Variants in CDKN2B-AS1 observed in about 807,000 individuals in gnomAD.
The protein encoded by CDKN2B-AS1 is CDKN2B antisense RNA 1 (non-protein coding).
rs74400540 is a variant in CDKN2B-AS1 at position 22,048,343 on chromosome 9, G to A, written n.180-763G>A. ...GCTCATACCAAACAAAGCTCCTCAT[G>A]ATGCTGGCCTAACTCTCCCAATCCT... On this transcript the variant is annotated intron_variant and non_coding_transcript_variant, in intron 2 of 4. Transcript: ENST00000650946. 8.2e-3 allele frequency among the ~76,000 whole-genome samples: 1,255 copies of A among 152,180 alleles called. 86 individuals are homozygous for A. The East Asian group carries it at 0.18, about 21-fold the overall frequency.
chr9:22,113,168 G>A (rs183398254), intron 4 of CDKN2B-AS1, among the ~76,000 whole-genome samples: 1 of 152,280 alleles, frequency 6.6e-6, no homozygotes, highest in East Asian at 1.9e-4. Context: ...GAATCTCACA[G>A]GTCAAAATCA....
Position 22,006,156 on chromosome 9 carries a change from G to A in CDKN2B-AS1, n.29+10995G>A, listed in dbSNP as rs1821173810. Reference sequence around the variant, plus strand: ...GCCCTCCCGGGCAGCATCATGCACCGGTCGGGTGAGAGTGGCAGGGTCTGC... The same window carrying A: ...GCCCTCCCGGGCAGCATCATGCACCAGTCGGGTGAGAGTGGCAGGGTCTGC... On this transcript the variant is annotated intron_variant and non_coding_transcript_variant, in intron 1 of 4. Coordinates refer to ENST00000650946, the Ensembl canonical transcript of CDKN2B-AS1. This position sits in a 1 kb window ranked among gnomAD's most constrained non-coding sequence, Gnocchi z 6.4. The A allele has an allele frequency of 5.6e-6, 9 of 1,611,616 alleles. No homozygotes were observed. The highest frequency in any genetic ancestry group is 6.8e-6 in the Non-Finnish European group (8 of 1,179,876).
chr9:22,088,829 T>C (rs952503011), intron 4 of CDKN2B-AS1, among the ~76,000 whole-genome samples: 2 of 152,164 alleles, frequency 1.3e-5, no homozygotes, highest in Admixed American at 6.5e-5. Flanking sequence ...TAGTAAAAAT[T>C]ATTCCTGGGT....
At chr9:22,108,651 C>T (rs138700490) in intron 4 of CDKN2B-AS1, among the ~76,000 whole-genome samples, 1 of 152,306 alleles carries the variant, frequency 6.6e-6, no homozygotes, top group East Asian at 1.9e-4. Context: ...TCATCCTTTT[C>T]ATTTACAAAG....
chr9:22,045,906 A>G (rs1823089499), intron 1 of CDKN2B-AS1, among the ~76,000 whole-genome samples: 1 of 152,136 alleles, frequency 6.6e-6, no homozygotes, highest in Admixed American at 6.6e-5. Context: ...TGTACCTATA[A>G]TAATACAATA....
chr9:22,105,144 T>C (rs1425440805), intron 4 of CDKN2B-AS1, among the ~76,000 whole-genome samples: 1 of 152,170 alleles, frequency 6.6e-6, no homozygotes, highest in African/African-American at 2.4e-5. Context: ...AGTAACTCGT[T>C]AAATGAGGGT....
intron 1 of CDKN2B-AS1, among the ~76,000 whole-genome samples, chr9:22,011,139 G>T (rs1821482276): frequency 6.6e-6 from 1 of 152,110 alleles, no homozygotes; most frequent in African/African-American, 2.4e-5. Context: ...CTCAGGCCTG[G>T]GTGGTCCTAA....
intron 1 of CDKN2B-AS1, among the ~76,000 whole-genome samples, chr9:22,031,715 G>C (rs933385835): frequency 3.3e-5 from 5 of 152,158 alleles, no homozygotes; most frequent in African/African-American, 1.2e-4. Context: ...GGTTTTCTCA[G>C]CCTTCTACTA....
chr9:22,066,763 G>C (rs1308097362), intron 4 of CDKN2B-AS1, among the ~76,000 whole-genome samples: 2 of 151,994 alleles, frequency 1.3e-5, no homozygotes, highest in Non-Finnish European at 2.9e-5. Context: ...TGGAAAAGCA[G>C]CGTTACTAAG....
At chr9:22,028,222 A>C (rs886821892) in intron 1 of CDKN2B-AS1, among the ~76,000 whole-genome samples, 3 of 152,224 alleles carry the variant, frequency 2.0e-5, no homozygotes, top group African/African-American at 7.2e-5. Context: ...ACATATAAAA[A>C]TATTTAAAAT....
chr9:22,100,339 C>T (rs892907883), intron 4 of CDKN2B-AS1, among the ~76,000 whole-genome samples: 6 of 152,122 alleles, frequency 3.9e-5, no homozygotes. Context: ...CCCCAGGCAA[C>T]CATAATCTTC....
In CDKN2B-AS1 at chr9:22,000,856, C is replaced by G. The variant is rs191900344; in HGVS notation, n.29+5695C>G. 5.3e-5 allele frequency among the ~76,000 whole-genome samples: 8 copies of G among 152,198 alleles called. No individual in the cohort carries two copies. Among genetic ancestry groups the G allele is most frequent in the Admixed American group, 5.2e-4 (8 of 15,292 alleles). On this transcript the variant is annotated intron_variant and non_coding_transcript_variant, in intron 1 of 4. Coordinates refer to ENST00000650946, the Ensembl canonical transcript of CDKN2B-AS1. This position sits in a 1 kb window ranked among gnomAD's most constrained non-coding sequence, Gnocchi z 4.1. Reference sequence around the variant, plus strand: ...AGAAACCCGAAGAACAATGGATTATCCTTACATATTTGGTTTGGGATTACA... The same window carrying G: ...AGAAACCCGAAGAACAATGGATTATGCTTACATATTTGGTTTGGGATTACA...
intron 1 of CDKN2B-AS1, among the ~76,000 whole-genome samples, chr9:22,041,103 A>C (rs1822878583): frequency 6.6e-6 from 1 of 152,098 alleles, no homozygotes; most frequent in Non-Finnish European, 1.5e-5. Context: ...GAAAACAGAA[A>C]ACAAATGTAC....
At chr9:22,065,077 T>A (rs1258207168) in intron 4 of CDKN2B-AS1, among the ~76,000 whole-genome samples, 1 of 152,220 alleles carries the variant, frequency 6.6e-6, no homozygotes, top group Non-Finnish European at 1.5e-5. Context: ...GCCAAGATTC[T>A]ATTTATAGTG....
chr9:22,061,904 A>G (rs531029331), intron 4 of CDKN2B-AS1: 1 of 152,314 alleles, frequency 6.6e-6, no homozygotes, highest in South Asian at 2.1e-4. Flanking sequence ...TGTGCCTGAC[A>G]TTAAATACTA....
At chr9:22,076,251 A>G (rs759486658) in intron 4 of CDKN2B-AS1, among the ~76,000 whole-genome samples, 3 of 152,006 alleles carry the variant, frequency 2.0e-5, no homozygotes, top group Non-Finnish European at 2.9e-5. Context: ...ACAGGGTTTC[A>G]CCATGTTGGC....
intron 1 of CDKN2B-AS1, among the ~76,000 whole-genome samples, chr9:22,007,350 C>A (rs772422277): frequency 6.0e-5 from 7 of 116,590 alleles, no homozygotes; most frequent in Admixed American, 2.0e-4. Context: ...CAGAGTGAGG[C>A]CTCATCTCAA....
chr9:22,108,471 G>C (rs1825716772), intron 4 of CDKN2B-AS1, among the ~76,000 whole-genome samples: 1 of 152,166 alleles, frequency 6.6e-6, no homozygotes, highest in African/African-American at 2.4e-5. Context: ...GCCTTCAGCT[G>C]TACCAGTATT....
chr9:22,110,260 A>G (rs375285660), intron 4 of CDKN2B-AS1, among the ~76,000 whole-genome samples: 6 of 152,176 alleles, frequency 3.9e-5, no homozygotes, highest in Admixed American at 1.3e-4. Context: ...ATTTGTCAGT[A>G]TGAACATCCA....
Sources: allele counts gnomAD v4.1 joint callset (sites outside exome capture counted in the v4.1 genomes callset), GRCh38; gene constraint gnomAD v4.1.1; non-coding constraint Gnocchi (gnomAD v3.1); transcripts MANE v1.5; gene names NCBI Gene and HGNC (gene_info 2026-07-23, HGNC 2026-07-21).